Variants in ZSWIM6 observed in about 807,000 individuals in gnomAD.
ZSWIM6 encodes zinc finger SWIM domain-containing protein 6.
A neutral mutation model predicts 113.2 loss-of-function variants in ZSWIM6; 9 were observed. The ratio of observed to expected loss-of-function variants is 0.08; its 90% CI spans 0.05 to 0.14. The LOEUF (loss-of-function observed/expected upper bound fraction) is 0.14. Among genes scored for constraint, ZSWIM6 ranks in the 10% least tolerant of loss-of-function variants. The pLI is 1.00. For synonymous variants in ZSWIM6, 611 were observed against 606.5 expected, an observed-to-expected ratio of 1.01 and a Z score of -0.11; for missense variants, 1,162 against 1,552.2, an observed-to-expected ratio of 0.75 and a Z score of 4.22.
At chr5:61,357,345 C>G (rs572882208) in intron 1 of ZSWIM6, among the ~76,000 whole-genome samples, 1 of 152,056 alleles carries the variant, frequency 6.6e-6, no homozygotes, top group Non-Finnish European at 1.5e-5. Flanking sequence ...AATACAGTCA[C>G]TAGGGTTAGG....
At chr5:61,435,073 A>G (rs1393557209) in intron 1 of ZSWIM6, among the ~76,000 whole-genome samples, 1 of 152,148 alleles carries the variant, frequency 6.6e-6, no homozygotes, top group African/African-American at 2.4e-5. Flanking sequence ...GAGTCTAACT[A>G]CTGGCGAGTT....
chr5:61,522,483 G>C (rs1213796110), intron 5 of ZSWIM6, among the ~76,000 whole-genome samples: 1 of 152,194 alleles, frequency 6.6e-6, no homozygotes, highest in Non-Finnish European at 1.5e-5. Flanking sequence ...GAGTTTGAAT[G>C]TGATGTTAGT....
chr5:61,493,190 C>G lies in ZSWIM6; in HGVS notation c.1183-1070C>G, dbSNP rs556248912. ...GGTTATTATTCTGCTTCATGGATCA[C>G]CCATATAGAGCAGGAGAGTTCTTGA... On this transcript the variant is annotated intron_variant, in intron 3 of 13. Coordinates refer to ENST00000252744, the MANE Select transcript of ZSWIM6 (RefSeq NM_020928.2). Among the ~76,000 whole-genome samples, 3 of 152,158 alleles carry G rather than the reference C, an allele frequency of 2.0e-5. No homozygotes were observed. In the South Asian group the frequency reaches 6.2e-4, roughly 32 times the overall value.
At chr5:61,414,664 A>T (rs1746211336) in intron 1 of ZSWIM6, among the ~76,000 whole-genome samples, 1 of 152,228 alleles carries the variant, frequency 6.6e-6, no homozygotes, top group Admixed American at 6.5e-5. Flanking sequence ...TGAAATAGTT[A>T]TAAGCCCAAC....
intron 1 of ZSWIM6, among the ~76,000 whole-genome samples, chr5:61,442,784 C>G (rs1421900497): frequency 3.3e-5 from 5 of 152,072 alleles, no homozygotes; most frequent in Admixed American, 3.3e-4. Flanking sequence ...AGAATATTCA[C>G]AAATAGTTTA....
chr5:61,333,412 T>C (rs1216366420), intron 1 of ZSWIM6, among the ~76,000 whole-genome samples: 23 of 150,490 alleles, frequency 1.5e-4, no homozygotes, highest in African/African-American at 5.6e-4. Flanking sequence ...GCTCCCCCCC[T>C]CTCCCACTGC....
chr5:61,473,620 G>C (rs1239683520), intron 2 of ZSWIM6, among the ~76,000 whole-genome samples: 4 of 152,088 alleles, frequency 2.6e-5, no homozygotes, highest in African/African-American at 9.7e-5. Flanking sequence ...GTGCAAATAT[G>C]TCAACTCACA....
chr5:61,455,161 T>C (rs542957768), intron 1 of ZSWIM6, among the ~76,000 whole-genome samples: 9 of 152,188 alleles, frequency 5.9e-5, no homozygotes, highest in Admixed American at 2.0e-4. Context: ...ATAAAAAAAA[T>C]AGTTTTCTTC....
intron 1 of ZSWIM6, among the ~76,000 whole-genome samples, chr5:61,455,243 A>G (rs1360969337): frequency 6.6e-6 from 1 of 152,148 alleles, no homozygotes; most frequent in African/African-American, 2.4e-5. Flanking sequence ...TAATTTTAGA[A>G]TTTTCCTTTT....
intron 1 of ZSWIM6, among the ~76,000 whole-genome samples, chr5:61,342,549 A>G (rs1182163725): frequency 6.6e-6 from 1 of 152,222 alleles, no homozygotes; most frequent in Non-Finnish European, 1.5e-5. Context: ...TTGGTGCTCA[A>G]GCAATACTGT....
chr5:61,446,581 G>C (rs1435485470), intron 1 of ZSWIM6, among the ~76,000 whole-genome samples: 1 of 152,028 alleles, frequency 6.6e-6, no homozygotes, highest in African/African-American at 2.4e-5. Context: ...CCAAACCCCA[G>C]CACCTCAAAA....
intron 1 of ZSWIM6, among the ~76,000 whole-genome samples, chr5:61,383,022 A>C (rs1395290574): frequency 6.6e-6 from 1 of 152,184 alleles, no homozygotes; most frequent in Non-Finnish European, 1.5e-5. Flanking sequence ...TTTAATTTCA[A>C]ATCATCGAAT....
chr5:61,451,492 G>A (rs552899886), intron 1 of ZSWIM6, among the ~76,000 whole-genome samples: 1 of 152,108 alleles, frequency 6.6e-6, no homozygotes, highest in Admixed American at 6.6e-5. Context: ...AGTTAACATT[G>A]GTCCTGTAAG....
intron 1 of ZSWIM6, chr5:61,347,024 G>A (rs574085560): frequency 6.6e-6 from 1 of 152,402 alleles, no homozygotes; most frequent in South Asian, 2.1e-4. Context: ...TATTTTAGAT[G>A]TGTTAGACAA....
chr5:61,341,573 A>G lies in ZSWIM6; in HGVS notation c.676+8625A>G, dbSNP rs1371025838. Among the ~76,000 whole-genome samples, 7 of 152,274 alleles carry G rather than the reference A, an allele frequency of 4.6e-5. No homozygotes were observed. In the East Asian group the frequency reaches 9.6e-4, roughly 21 times the overall value. On this transcript the variant is annotated intron_variant, in intron 1 of 13. Transcript: ENST00000252744. Reference sequence around the variant, plus strand: ...AGAACCTATTGATGGCATTAAGTGGAGGACTTGCTGTTACATGAATGTATA... The same window carrying G: ...AGAACCTATTGATGGCATTAAGTGGGGGACTTGCTGTTACATGAATGTATA...
chr5:61,489,485 G>A (rs557281494), intron 2 of ZSWIM6, among the ~76,000 whole-genome samples: 61 of 152,094 alleles, frequency 4.0e-4, no homozygotes, highest in Non-Finnish European at 8.5e-4. Context: ...ATTGTGACAA[G>A]CCCTCTTTAA....
At chr5:61,473,108 C>G in intron 2 of ZSWIM6, 71 bp downstream of exon 2, 1 of 1,010,684 alleles carries the variant, frequency 9.9e-7, no homozygotes, top group East Asian at 2.7e-5. Flanking sequence ...AATTCTTCTG[C>G]ATAAAAGTGA....
chr5:61,477,963 G>A (rs1747747564), intron 2 of ZSWIM6, among the ~76,000 whole-genome samples: 1 of 152,282 alleles, frequency 6.6e-6, no homozygotes, highest in African/African-American at 2.4e-5. Context: ...GTGACAGCTG[G>A]AGTCATCTGA....
At chr5:61,349,079 A>G (rs1055172148) in intron 1 of ZSWIM6, among the ~76,000 whole-genome samples, 1 of 152,214 alleles carries the variant, frequency 6.6e-6, no homozygotes, top group Non-Finnish European at 1.5e-5. Flanking sequence ...TCAGTTGTCT[A>G]ATCAAATTGA....
Sources: gnomAD v4.1 joint callset for allele counts (sites outside exome capture counted in the v4.1 genomes callset) on GRCh38, gnomAD v4.1.1 for gene constraint, MANE v1.5 for transcripts, NCBI Gene and HGNC (gene_info 2026-07-23, HGNC 2026-07-21) for gene names.